NPAS3: variants seen among roughly 807,000 people sequenced by gnomAD.
NPAS3 encodes the protein neuronal PAS domain protein 3.
A neutral mutation model predicts 73.1 loss-of-function variants in NPAS3; 14 were observed. That is an observed-to-expected ratio of 0.19 (90% CI 0.13 to 0.30). The LOEUF (loss-of-function observed/expected upper bound fraction) is 0.30, where lower values mean the gene tolerates loss of function less well. Among genes scored for constraint, NPAS3 ranks in the 10% least tolerant of loss-of-function variants. The probability of loss-of-function intolerance (pLI) is 1.00; values close to 1 mark genes in which losing one functional copy is unlikely to be tolerated. For synonymous variants in NPAS3, 620 were observed against 541.5 expected (o/e 1.14, Z -2.01); for missense variants, 1,096 against 1,250.0 (o/e 0.88, Z 1.86).
chr14:33,133,837 C>T (rs1028579710), intron 2 of NPAS3, among the ~76,000 whole-genome samples: 2 of 152,008 alleles, frequency 1.3e-5, no homozygotes, highest in African/African-American at 4.8e-5. Context: ...GGAGAAGCCA[C>T]GGGCATTCCA....
chr14:33,201,947 A>T (rs1339257965), intron 2 of NPAS3, among the ~76,000 whole-genome samples: 1 of 152,234 alleles, frequency 6.6e-6, no homozygotes, highest in Non-Finnish European at 1.5e-5. Context: ...GCTGACTTTC[A>T]ATTAAGATAA....
At chr14:33,005,769 AT>A (rs2038980094) in intron 1 of NPAS3, among the ~76,000 whole-genome samples, 1 of 152,074 alleles carries the variant, frequency 6.6e-6, no homozygotes, top group Non-Finnish European at 1.5e-5. Flanking sequence ...AGCTTTCCTC[AT>A]TTTTTTAAAT....
intron 4 of NPAS3, among the ~76,000 whole-genome samples, chr14:33,460,913 A>G (rs2050233266): frequency 1.3e-5 from 2 of 152,170 alleles, no homozygotes; most frequent in Non-Finnish European, 2.9e-5. Context: ...GGGTAACATT[A>G]TTGGCCTACA....
rs367656153 is a variant in NPAS3 at position 33,041,559 on chromosome 14, T to C, written c.51-14346T>C. ...TGTAAATTAAAAATGGTGAGGTACC[T>C]GTGACCATATATTAGCCAAAAAGAA... On this transcript the variant is annotated intron_variant, in intron 1 of 11. Coordinates refer to ENST00000356141, the Ensembl canonical transcript of NPAS3. Among the ~76,000 whole-genome samples the C allele has an allele frequency of 7.4e-4, 112 of 152,310 alleles. 1 individual carries two copies. The highest frequency in any genetic ancestry group is 2.4e-3 in the African/African-American group (101 of 41,574).
At chr14:33,123,165 A>G (rs2043295700) in intron 2 of NPAS3, among the ~76,000 whole-genome samples, 1 of 152,122 alleles carries the variant, frequency 6.6e-6, no homozygotes, top group South Asian at 2.1e-4. Flanking sequence ...GAACTATCAG[A>G]ATTAGTACTG....
At chr14:33,567,915 G>A (rs556799192) in intron 5 of NPAS3, among the ~76,000 whole-genome samples, 2 of 152,252 alleles carry the variant, frequency 1.3e-5, no homozygotes, top group South Asian at 4.2e-4. Context: ...CAGACAGTGA[G>A]GCTAAAACAC....
intron 3 of NPAS3, among the ~76,000 whole-genome samples, chr14:33,336,794 A>G (rs907914358): frequency 2.0e-5 from 3 of 152,224 alleles, no homozygotes; most frequent in African/African-American, 4.8e-5. Context: ...CTTGGAAGCC[A>G]TCTTAGAATT....
intron 2 of NPAS3, among the ~76,000 whole-genome samples, chr14:33,166,484 T>C (rs2045155783): frequency 6.6e-6 from 1 of 152,130 alleles, no homozygotes; most frequent in Admixed American, 6.5e-5. Flanking sequence ...CAGTAAGAGG[T>C]AGACTCTTGG....
intron 5 of NPAS3, among the ~76,000 whole-genome samples, chr14:33,602,907 C>T (rs2057444382): frequency 6.6e-6 from 1 of 152,134 alleles, no homozygotes; most frequent in Non-Finnish European, 1.5e-5. Context: ...GGTAACTTGA[C>T]TGCATCCCAC....
At chr14:33,418,126 A>G (rs1003211546) in intron 4 of NPAS3, among the ~76,000 whole-genome samples, 1 of 151,930 alleles carries the variant, frequency 6.6e-6, no homozygotes, top group Non-Finnish European at 1.5e-5. Context: ...ACTTACCTAC[A>G]ACTTTAAAGT....
chr14:33,751,633 C>A lies in NPAS3; in HGVS notation c.852+16301C>A, dbSNP rs116194698. Among the ~76,000 whole-genome samples, 1,242 of 152,250 alleles carry A rather than the reference C, an allele frequency of 8.2e-3. 18 individuals are homozygous for A. The highest frequency in any genetic ancestry group is 0.027 in the African/African-American group (1,108 of 41,546). On this transcript the variant is annotated intron_variant, in intron 7 of 11. Coordinates refer to ENST00000356141, the Ensembl canonical transcript of NPAS3. ...ATATAAGCAAAACCTACATTTCAGGCGCCCACAGTTTCCCTTGAATATACC... is the reference window on the plus strand; with the variant it reads ...ATATAAGCAAAACCTACATTTCAGGAGCCCACAGTTTCCCTTGAATATACC...
At chr14:33,125,643 C>A (rs1234465314) in intron 2 of NPAS3, among the ~76,000 whole-genome samples, 1 of 151,994 alleles carries the variant, frequency 6.6e-6, no homozygotes, top group Admixed American at 6.6e-5. Context: ...TGGACAAAAG[C>A]CTGTGAAACA....
chr14:33,095,607 T>A (rs1357838456), intron 2 of NPAS3, among the ~76,000 whole-genome samples: 1 of 151,014 alleles, frequency 6.6e-6, no homozygotes, highest in Non-Finnish European at 1.5e-5. Flanking sequence ...TAGTATGGTA[T>A]CAAGTCCTAA....
At chr14:33,027,198 C>T (rs891737966) in intron 1 of NPAS3, among the ~76,000 whole-genome samples, 7 of 152,224 alleles carry the variant, frequency 4.6e-5, no homozygotes, top group Non-Finnish European at 8.8e-5. Context: ...GCACAAGGGC[C>T]CTATTTTTCT....
intron 3 of NPAS3, among the ~76,000 whole-genome samples, chr14:33,331,228 A>G (rs77612411): frequency 0.032 from 4,882 of 152,322 alleles, 112 homozygotes; most frequent in South Asian, 0.062. Flanking sequence ...TGTGAATATA[A>G]TACATGTGCA....
chr14:33,754,577 T>C (rs2062058710), intron 7 of NPAS3, among the ~76,000 whole-genome samples: 1 of 152,088 alleles, frequency 6.6e-6, no homozygotes, highest in Admixed American at 6.6e-5. Flanking sequence ...GCAGGCAATA[T>C]TTTATGACAG....
At chr14:33,128,105 C>T (rs2043496992) in intron 2 of NPAS3, among the ~76,000 whole-genome samples, 1 of 152,040 alleles carries the variant, frequency 6.6e-6, no homozygotes, top group Non-Finnish European at 1.5e-5. Context: ...CATAAAAATT[C>T]TGGAGTAATT....
At chr14:33,725,354 A>G (rs2061236292) in intron 6 of NPAS3, among the ~76,000 whole-genome samples, 1 of 152,166 alleles carries the variant, frequency 6.6e-6, no homozygotes, top group Non-Finnish European at 1.5e-5. Context: ...TTAGGCAGAC[A>G]CAGGTTTTAT....
At chr14:33,625,597 T>C (rs1373449164) in intron 5 of NPAS3, among the ~76,000 whole-genome samples, 1 of 152,202 alleles carries the variant, frequency 6.6e-6, no homozygotes, top group Non-Finnish European at 1.5e-5. Flanking sequence ...GATATCTGGA[T>C]GTTTCTATCT....
Sources: gnomAD v4.1 joint callset for allele counts (sites outside exome capture counted in the v4.1 genomes callset) on GRCh38, gnomAD v4.1.1 for gene constraint, MANE v1.5 for transcripts, NCBI Gene and HGNC (gene_info 2026-07-23, HGNC 2026-07-21) for gene names.